Variants in MED13L observed in about 807,000 individuals in gnomAD.
MED13L encodes mediator complex subunit 13L, also known as mediator of RNA polymerase II transcription subunit 13-like.
MED13L carries 7 observed loss-of-function variants against 220.9 expected under a neutral mutation model. The ratio of observed to expected loss-of-function variants is 0.03; its 90% CI spans 0.02 to 0.06. The LOEUF (loss-of-function observed/expected upper bound fraction) is 0.06. Ranked by LOEUF, MED13L falls within the 10% of genes least tolerant of loss-of-function variation. MED13L has a pLI of 1.00. For missense variants in MED13L, 1,965 were observed against 2,760.5 expected (o/e 0.71, Z 6.46); for synonymous variants, 1,011 against 1,015.2 (o/e 1.00, Z 0.08).
chr12:116,213,473 G>A (rs531546291), intron 2 of MED13L, among the ~76,000 whole-genome samples: 39 of 152,248 alleles, frequency 2.6e-4, no homozygotes, highest in Admixed American at 7.2e-4. Context: ...GTGCAATGGC[G>A]CAATCTCAGC....
intron 2 of MED13L, among the ~76,000 whole-genome samples, chr12:116,229,215 T>G (rs1040940949): frequency 6.6e-6 from 1 of 152,246 alleles, no homozygotes; most frequent in Non-Finnish European, 1.5e-5. Context: ...CCAGTCACAA[T>G]GTATTAATCA....
intron 2 of MED13L, among the ~76,000 whole-genome samples, chr12:116,234,558 G>C (rs1218072316): frequency 2.0e-5 from 3 of 151,624 alleles, no homozygotes; most frequent in African/African-American, 7.3e-5. Context: ...TAAATAAGCA[G>C]CAATGTAAGA....
chr12:116,127,182 T>C (rs1044205656), intron 2 of MED13L, among the ~76,000 whole-genome samples: 8 of 152,166 alleles, frequency 5.3e-5, no homozygotes, highest in Admixed American at 2.0e-4. Flanking sequence ...GTGATGGAGC[T>C]CTCAGAAAGA....
intron 2 of MED13L, among the ~76,000 whole-genome samples, chr12:116,148,051 C>CAAAAAAAAAAAAAAAA (rs10678970): frequency 3.3e-4 from 6 of 18,138 alleles, no homozygotes; most frequent in African/African-American, 9.4e-4. Flanking sequence ...GACCCCATCT[C>CAAAAAAAAAAAAAAAA]AAAAAAAAAA....
intron 4 of MED13L, among the ~76,000 whole-genome samples, chr12:116,059,849 A>G (rs1361198261): frequency 6.6e-6 from 1 of 152,214 alleles, no homozygotes; most frequent in Non-Finnish European, 1.5e-5. Context: ...GATTAAGAGT[A>G]AAAAACATAA....
At chr12:116,113,299 G>A (rs993942700) in intron 2 of MED13L, among the ~76,000 whole-genome samples, 2 of 151,638 alleles carry the variant, frequency 1.3e-5, no homozygotes, top group Non-Finnish European at 2.9e-5. Flanking sequence ...ACACCTATTC[G>A]GCACATTGTT....
Position 115,991,376 on chromosome 12 carries a change from A to G in MED13L, c.3578T>C (p.Ile1193Thr), listed in dbSNP as rs778548484. ...ELDIFGKNSD[I>T]GQAAERRLMM... Reference sequence around the variant, plus strand: ...TAAGCGCCTCTCTGCAGCCTGACCAATATCAGAATTCTTCCCAAAAATATC... The same window carrying G: ...TAAGCGCCTCTCTGCAGCCTGACCAGTATCAGAATTCTTCCCAAAAATATC... The change falls in exon 17 of 31, where the codon ATT becomes ACT. Residue 1193 changes from isoleucine to threonine, a missense_variant. Ile to Thr is a moderately conservative substitution (Grantham distance 89, BLOSUM62 -1). Coordinates refer to ENST00000281928, the MANE Select transcript of MED13L (RefSeq NM_015335.5). The surrounding 1 kb of genome is among the most constrained non-coding windows in gnomAD (Gnocchi z 7.7). 5.6e-6 allele frequency: 9 copies of G among 1,613,868 alleles called. No homozygotes were observed. Among genetic ancestry groups the G allele is most frequent in the Admixed American group, 5.0e-5 (3 of 60,002 alleles).
chr12:115,965,283 A>C (rs1188326731), intron 29 of MED13L, among the ~76,000 whole-genome samples: 1 of 152,232 alleles, frequency 6.6e-6, no homozygotes, highest in Non-Finnish European at 1.5e-5. Context: ...GATGCACCAC[A>C]GTTGATTCAA....
chr12:115,995,309 T>C (rs563128441), intron 16 of MED13L, among the ~76,000 whole-genome samples: 2 of 152,234 alleles, frequency 1.3e-5, no homozygotes, highest in Non-Finnish European at 2.9e-5. Flanking sequence ...TTCATCTATA[T>C]ATTGCTTACC....
intron 4 of MED13L, among the ~76,000 whole-genome samples, chr12:116,033,332 C>T (rs1880972348): frequency 6.6e-6 from 1 of 152,150 alleles, no homozygotes; most frequent in African/African-American, 2.4e-5. Context: ...CCTACACAAA[C>T]ACTACTGATA....
intron 4 of MED13L, among the ~76,000 whole-genome samples, chr12:116,051,802 T>A (rs958594575): frequency 3.9e-5 from 6 of 152,214 alleles, no homozygotes; most frequent in African/African-American, 1.4e-4. Context: ...TTTCCACTTA[T>A]GACATCATGT....
chr12:116,273,186 C>G (rs1197347069), intron 1 of MED13L, among the ~76,000 whole-genome samples: 1 of 152,038 alleles, frequency 6.6e-6, no homozygotes, highest in East Asian at 1.9e-4. Context: ...TGCCTGTAAT[C>G]CCAGGTATTC....
rs1243964774 is a variant in MED13L at position 115,975,647 on chromosome 12, G to C, written c.5456C>G (p.Ala1819Gly). 1 of 1,614,016 alleles carries C rather than the reference G, an allele frequency of 6.2e-7. No individual in the cohort carries two copies. The highest frequency in any genetic ancestry group is 8.5e-7 in the Non-Finnish European group (1 of 1,179,996). Reference protein sequence around the residue: ...QTELGETFGEASQKYNVLFVG... With the variant: ...QTELGETFGEGSQKYNVLFVG... ...GAAGAGCACATTGTATTTCTGGCTC[G>C]CCTCACCAAACGTCTCTCCCAGCTC... is the stretch of plus-strand genomic sequence containing the variant. Residue 1819 changes from alanine to glycine, a missense_variant, in exon 24 of 31, where the codon GCG becomes GGG. Transcript: ENST00000281928.
chr12:115,967,273 A>C (rs1240643343), intron 28 of MED13L, among the ~76,000 whole-genome samples: 1 of 152,160 alleles, frequency 6.6e-6, no homozygotes, highest in Non-Finnish European at 1.5e-5. Flanking sequence ...TAAAAAAATA[A>C]AAAATTTACT....
At chr12:116,053,183 G>T (rs1399004746) in intron 4 of MED13L, among the ~76,000 whole-genome samples, 3 of 152,066 alleles carry the variant, frequency 2.0e-5, no homozygotes, top group South Asian at 2.1e-4. Context: ...TTTATTCAAT[G>T]ACTTCTAAAT....
chr12:116,217,252 G>T (rs1333737474), intron 2 of MED13L, among the ~76,000 whole-genome samples: 2 of 152,190 alleles, frequency 1.3e-5, no homozygotes, highest in Non-Finnish European at 2.9e-5. Flanking sequence ...GAATGAAACA[G>T]GAGCCCAATG....
At chr12:116,064,213 G>A (rs907870003) in intron 4 of MED13L, among the ~76,000 whole-genome samples, 5 of 151,164 alleles carry the variant, frequency 3.3e-5, no homozygotes, top group East Asian at 3.9e-4. Context: ...ATTTGCATAC[G>A]ACCTACACAT....
chr12:116,042,227 G>C lies in MED13L; in HGVS notation c.480-19626C>G, dbSNP rs76715284. 5.6e-3 allele frequency among the ~76,000 whole-genome samples: 859 copies of C among 152,270 alleles called. 8 individuals carry two copies. The highest frequency in any genetic ancestry group is 0.019 in the African/African-American group (791 of 41,540). On this transcript the variant is annotated intron_variant, in intron 4 of 30. Transcript: ENST00000281928. Reference sequence around the variant, plus strand: ...AAAATAGACTTCAACTCAATATAAAGACTAGCTTTCTAACTGGGTTATTTA... The same window carrying C: ...AAAATAGACTTCAACTCAATATAAACACTAGCTTTCTAACTGGGTTATTTA...
intron 2 of MED13L, among the ~76,000 whole-genome samples, chr12:116,134,167 A>T (rs1024398288): frequency 4.6e-5 from 7 of 152,236 alleles, no homozygotes; most frequent in Non-Finnish European, 8.8e-5. Context: ...TCCCAGGCAG[A>T]GTAGATTCAT....
Sources: gnomAD v4.1 joint callset for allele counts (sites outside exome capture counted in the v4.1 genomes callset) on GRCh38, gnomAD v4.1.1 for gene constraint, Gnocchi (gnomAD v3.1) non-coding constraint, MANE v1.5 for transcripts, NCBI Gene and HGNC (gene_info 2026-07-23, HGNC 2026-07-21) for gene names.